Variants in GUCY2C observed in about 807,000 individuals in gnomAD.
The protein encoded by GUCY2C is guanylate cyclase 2C.
GUCY2C carries 118 observed loss-of-function variants against 131.1 expected under a neutral mutation model. The ratio of observed to expected loss-of-function variants is 0.90; its 90% CI spans 0.78 to 1.05. GUCY2C has a LOEUF of 1.05. Ranked by LOEUF, GUCY2C falls within the 50% of genes least tolerant of loss-of-function variation. The pLI is 0.00. For missense variants in GUCY2C, 1,161 were observed against 1,304.4 expected (o/e 0.89, Z 1.69); for synonymous variants, 452 against 457.8 (o/e 0.99, Z 0.16).
intron 20 of GUCY2C, 143 bp from the exon 21 acceptor site, chr12:14,626,058 A>C: frequency 1.7e-6 from 1 of 591,236 alleles, no homozygotes. Context: ...ACTCAACCTC[A>C]TCCGGGCACA....
intron 21 of GUCY2C, 37 bp downstream of exon 21, chr12:14,625,720 G>A: frequency 6.2e-7 from 1 of 1,602,158 alleles, no homozygotes; most frequent in Non-Finnish European, 8.5e-7. Flanking sequence ...CAATGCTAGA[G>A]GGATTTCAGC....
rs542151875 is a variant in GUCY2C at position 14,644,740 on chromosome 12, CTT to C, written c.1797+487_1797+488del. ...CTTGTAAAGTTGAGGATTCAGTTGT[CTT>C]TTTTTTTTTTTTTTTTTTTAATGGA... On this transcript the variant is annotated intron_variant, in intron 16 of 26. Transcript: ENST00000261170. Among the ~76,000 whole-genome samples, 164 of 108,632 alleles carry C rather than the reference CTT, an allele frequency of 1.5e-3. 2 individuals are homozygous for C. Among genetic ancestry groups the C allele is most frequent in the Admixed American group, 2.5e-3 (26 of 10,326 alleles). 71.3% of individuals were successfully genotyped at this position (108,632 alleles called of 152,430 possible). A position where few individuals can be genotyped will look rare whatever the true frequency, so the allele number is the denominator to read the frequency against.
chr12:14,695,484 C>A (rs1280932094), intron 1 of GUCY2C, among the ~76,000 whole-genome samples: 1 of 151,488 alleles, frequency 6.6e-6, no homozygotes, highest in Admixed American at 6.6e-5. Context: ...ACCTGTAGTC[C>A]CAGCTACTCG....
At chr12:14,633,797 C>G (rs966683065) in intron 19 of GUCY2C, among the ~76,000 whole-genome samples, 1 of 151,774 alleles carries the variant, frequency 6.6e-6, no homozygotes, top group Non-Finnish European at 1.5e-5. Flanking sequence ...CAACAATATG[C>G]TAGATCAAGC....
chr12:14,691,121 A>C (rs1948567107), intron 1 of GUCY2C, among the ~76,000 whole-genome samples: 1 of 152,204 alleles, frequency 6.6e-6, no homozygotes, highest in African/African-American at 2.4e-5. Context: ...AGAATGGAGG[A>C]GTCTTTGCAC....
In GUCY2C at chr12:14,644,740, C is replaced by CTTT. The variant is rs542151875; in HGVS notation, c.1797+486_1797+488dup. 3.0e-3 allele frequency among the ~76,000 whole-genome samples: 321 copies of CTTT among 108,652 alleles called. 8 individuals carry two copies. Among genetic ancestry groups the CTTT allele is most frequent in the African/African-American group, 0.011 (308 of 28,218 alleles). The allele number at this position is 108,652 out of a possible 152,430, so 71.3% of individuals were successfully genotyped here. ...CTTGTAAAGTTGAGGATTCAGTTGTCTTTTTTTTTTTTTTTTTTTTTAATG... is the reference window on the plus strand; with the variant it reads ...CTTGTAAAGTTGAGGATTCAGTTGTCTTTTTTTTTTTTTTTTTTTTTTTTAATG... On this transcript the variant is annotated intron_variant, in intron 16 of 26. Transcript: ENST00000261170.
Position 14,621,913 on chromosome 12 carries a change from G to A in GUCY2C, c.2601+92C>T, listed in dbSNP as rs552835437. The A allele has an allele frequency of 6.6e-4, 526 of 795,348 alleles. 3 individuals are homozygous for A. In the African/African-American group the frequency reaches 6.8e-3, roughly 10 times the overall value. The allele number at this position is 795,348 out of a possible 1,614,324, so 49.3% of individuals were successfully genotyped here. The stretch of plus-strand genomic sequence containing the variant: ...AATTCACTAAATGTGAAACTAGAGC[G>A]GTCAAGAGTAGTAACAGAAACAACC... On this transcript the variant is annotated intron_variant, in intron 22 of 26. Coordinates refer to ENST00000261170, the MANE Select transcript of GUCY2C (RefSeq NM_004963.4).
intron 7 of GUCY2C, among the ~76,000 whole-genome samples, chr12:14,675,251 A>AAAG (rs1340136967): frequency 1.8e-5 from 2 of 111,926 alleles, no homozygotes; most frequent in African/African-American, 7.0e-5. Flanking sequence ...AGAAAGAAAG[A>AAAG]AAAAAAACTC....
At chr12:14,639,644 A>C (rs920992644) in intron 19 of GUCY2C, among the ~76,000 whole-genome samples, 4 of 152,208 alleles carry the variant, frequency 2.6e-5, no homozygotes, top group Non-Finnish European at 4.4e-5. Context: ...TGTGGCCATA[A>C]GATAAGAAAT....
At chr12:14,671,661 A>G (rs1948113205) in intron 9 of GUCY2C, among the ~76,000 whole-genome samples, 1 of 152,234 alleles carries the variant, frequency 6.6e-6, no homozygotes, top group Admixed American at 6.5e-5. Context: ...GAGAGAATAA[A>G]TGCACAGAGC....
intron 19 of GUCY2C, among the ~76,000 whole-genome samples, chr12:14,631,324 G>A (rs1947141338): frequency 1.3e-5 from 2 of 151,860 alleles, no homozygotes; most frequent in South Asian, 4.2e-4. Context: ...CTGGTGTGCT[G>A]CACCAATTAA....
intron 1 of GUCY2C, 44 bp from the exon 2 acceptor site, chr12:14,688,107 T>G (rs1592148950): frequency 8.7e-7 from 1 of 1,149,596 alleles, no homozygotes; most frequent in East Asian, 2.3e-5. Flanking sequence ...AGTGTTATTT[T>G]TCAGTAATTT....
chr12:14,644,359 C>T, intron 16 of GUCY2C, among the ~76,000 whole-genome samples: 1 of 152,038 alleles, frequency 6.6e-6, no homozygotes, highest in Non-Finnish European at 1.5e-5. Flanking sequence ...CAGTGAGACT[C>T]CGTCTCAAAA....
chr12:14,652,725 C>A (rs532424384), intron 13 of GUCY2C, among the ~76,000 whole-genome samples: 1 of 152,312 alleles, frequency 6.6e-6, no homozygotes, highest in African/African-American at 2.4e-5. Flanking sequence ...TTCCTACACT[C>A]CACCCTTCCC....
Position 14,613,124 on chromosome 12 carries a change from T to C in GUCY2C, c.3215A>G (p.Tyr1072Cys), listed in dbSNP as rs35179392. 1.7e-4 allele frequency: 270 copies of C among 1,612,732 alleles called. 2 individuals are homozygous for C. The East Asian group carries it at 2.8e-3, about 17-fold the overall frequency. Residue 1072 changes from tyrosine (Y) to cysteine (C), a missense_variant, in exon 27 of 27, where the codon TAT becomes TGT. Coordinates refer to ENST00000261170, the MANE Select transcript of GUCY2C (RefSeq NM_004963.4). This position sits in a 1 kb window ranked among gnomAD's most constrained non-coding sequence, Gnocchi z 4.9. ...QLNTTDKEST[Y>C]F ...CTTATACCTCATTTAGGTTTAAAAA[T>C]AGGTGCTCTCCTTGTCTGTGGTATT...
chr12:14,671,760 C>T (rs1241996793), intron 9 of GUCY2C, among the ~76,000 whole-genome samples: 1 of 152,116 alleles, frequency 6.6e-6, no homozygotes, highest in Non-Finnish European at 1.5e-5. Flanking sequence ...GGGCATCATC[C>T]CAGATGCAAA....
intron 21 of GUCY2C, among the ~76,000 whole-genome samples, chr12:14,623,624 T>A (rs1349409502): frequency 6.6e-6 from 1 of 152,228 alleles, no homozygotes; most frequent in East Asian, 1.9e-4. Flanking sequence ...ATGGTTTGGC[T>A]CCGTGTCCCC....
At position 14,672,859 on chromosome 12, in the gene GUCY2C, GC is replaced by G. The variant is rs745482074; in HGVS notation, c.1170+13del. ...CACAGCACCCTGAATTTTCTGATAA[GC>G]AGTGAGACATACTTTCTTGGTGTCC... On this transcript the variant is annotated intron_variant, in intron 9 of 26. Transcript: ENST00000261170. The G allele has an allele frequency of 4.1e-6, 6 of 1,479,038 alleles. No homozygotes were observed. The South Asian group carries it at 6.8e-5, about 17-fold the overall frequency. 91.6% of individuals were successfully genotyped at this position (1,479,038 alleles called of 1,614,324 possible). A position where few individuals can be genotyped will look rare whatever the true frequency, so the allele number is the denominator to read the frequency against.
chr12:14,647,951 T>G (rs1361442092), intron 15 of GUCY2C, among the ~76,000 whole-genome samples: 1 of 2,610 alleles, frequency 3.8e-4, no homozygotes, highest in Non-Finnish European at 0.022. Flanking sequence ...TTTTTACTTA[T>G]TTATTTATTT....
Sources: gnomAD v4.1 joint callset for allele counts (sites outside exome capture counted in the v4.1 genomes callset) on GRCh38, gnomAD v4.1.1 for gene constraint, Gnocchi (gnomAD v3.1) non-coding constraint, MANE v1.5 for transcripts, NCBI Gene and HGNC (gene_info 2026-07-23, HGNC 2026-07-21) for gene names.